Variants in PDE2A observed in about 807,000 individuals in gnomAD.
PDE2A encodes the protein phosphodiesterase 2A.
A neutral mutation model predicts 133.6 loss-of-function variants in PDE2A; 53 were observed. The ratio of observed to expected loss-of-function variants is 0.40; its 90% CI spans 0.32 to 0.50. The LOEUF is 0.50. Ranked by LOEUF, PDE2A falls within the 20% of genes least tolerant of loss-of-function variation. PDE2A has a pLI of 0.73. For missense variants in PDE2A, 796 were observed against 1,232.4 expected (o/e 0.65, Z 5.30); for synonymous variants, 491 against 490.2 (o/e 1.00, Z -0.02).
In PDE2A at chr11:72,578,274, C is replaced by T. The variant is rs1009358092; in HGVS notation, c.2574G>A (p.Leu858=). 7.4e-6 allele frequency: 12 copies of T among 1,613,428 alleles called. No individual in the cohort carries two copies. Among genetic ancestry groups the T allele is most frequent in the Non-Finnish European group, 1.0e-5 (12 of 1,179,572 alleles). The part of the protein sequence containing the change: ...MDREKAYIPE[L]QISFMEHIAM... ...CAATGTGCTCCATGAAGCTGATTTG[C>T]AGCTCAGGGATATAGGCCTTCTCCC... is the stretch of plus-strand genomic sequence containing the variant. Residue 858 remains leucine (L), a synonymous_variant, in exon 30 of 31, where the codon CTG becomes CTA. Coordinates refer to ENST00000334456, the MANE Select transcript of PDE2A (RefSeq NM_002599.5). The surrounding 1 kb of genome is among the most constrained non-coding windows in gnomAD (Gnocchi z 4.2).
intron 1 of PDE2A, among the ~76,000 whole-genome samples, chr11:72,645,686 A>G (rs772484667): frequency 5.9e-5 from 9 of 152,152 alleles, no homozygotes; most frequent in Non-Finnish European, 1.3e-4. Flanking sequence ...CCTGGAGTAG[A>G]TGCATCTCCT....
At chr11:72,629,214 G>A (rs565728278) in intron 2 of PDE2A, among the ~76,000 whole-genome samples, 73 of 152,302 alleles carry the variant, frequency 4.8e-4, no homozygotes, top group Admixed American at 1.4e-3. Context: ...TGGGAAGGAC[G>A]AGGCCGGTGG....
chr11:72,625,483 G>A (rs1344987028), intron 2 of PDE2A, among the ~76,000 whole-genome samples: 2 of 152,198 alleles, frequency 1.3e-5, no homozygotes, highest in African/African-American at 4.8e-5. Context: ...GAGGACAAGG[G>A]TTCGAGGGTT....
Position 72,597,185 on chromosome 11 carries a change from G to A in PDE2A, c.433+325C>T, listed in dbSNP as rs1591044172. 1.3e-5 allele frequency among the ~76,000 whole-genome samples: 2 copies of A among 152,158 alleles called. No homozygotes were observed. Reference sequence around the variant, plus strand: ...CAACTACAGCCCCATCCAGCATCAGGCACAGGCACATCACAACCACAGCCA... The same window carrying A: ...CAACTACAGCCCCATCCAGCATCAGACACAGGCACATCACAACCACAGCCA... On this transcript the variant is annotated intron_variant, in intron 5 of 30. Transcript: ENST00000334456. This position sits in a 1 kb window ranked among gnomAD's most constrained non-coding sequence, Gnocchi z 4.6.
intron 4 of PDE2A, among the ~76,000 whole-genome samples, chr11:72,600,055 G>A (rs1856670554): frequency 6.6e-6 from 1 of 152,244 alleles, no homozygotes; most frequent in Non-Finnish European, 1.5e-5. Flanking sequence ...CGAGAAGATT[G>A]TGTGCCTGCT....
chr11:72,579,196 G>T, intron 27 of PDE2A, 88 bp downstream of exon 27: 1 of 1,059,762 alleles, frequency 9.4e-7, no homozygotes. Flanking sequence ...TGCAGGGGAT[G>T]GGTCTGCACC....
At chr11:72,622,442 T>G (rs1857822088) in intron 2 of PDE2A, among the ~76,000 whole-genome samples, 1 of 152,224 alleles carries the variant, frequency 6.6e-6, no homozygotes, top group Non-Finnish European at 1.5e-5. Context: ...AGCTAAAATG[T>G]GAAAGCAACC....
chr11:72,594,546 C>T (rs116266781), intron 6 of PDE2A, among the ~76,000 whole-genome samples: 3,482 of 152,240 alleles, frequency 0.023, 149 homozygotes, highest in African/African-American at 0.08. Context: ...TTCAAGAGTT[C>T]TTCCCTGCCC....
intron 25 of PDE2A, among the ~76,000 whole-genome samples, 180 bp downstream of exon 25, chr11:72,580,397 C>T (rs573500380): frequency 2.6e-5 from 4 of 152,114 alleles, no homozygotes; most frequent in East Asian, 3.9e-4. Flanking sequence ...TGCTATCATC[C>T]GCACCTGCAC....
chr11:72,649,105 C>A (rs576275083), intron 1 of PDE2A: 1 of 152,356 alleles, frequency 6.6e-6, no homozygotes, highest in South Asian at 2.1e-4. Flanking sequence ...TAAGTCTGGA[C>A]AAAGCCTCCT....
intron 2 of PDE2A, among the ~76,000 whole-genome samples, chr11:72,609,489 G>C (rs1857109159): frequency 6.6e-6 from 1 of 152,152 alleles, no homozygotes; most frequent in South Asian, 2.1e-4. Context: ...GAACAGCTGG[G>C]CCACCCCTGG....
chr11:72,606,847 T>C (rs1429142597), intron 3 of PDE2A, among the ~76,000 whole-genome samples: 1 of 152,206 alleles, frequency 6.6e-6, no homozygotes, highest in Non-Finnish European at 1.5e-5. Flanking sequence ...CGCATGTCCG[T>C]ATGTCTCCCA....
At chr11:72,645,322 C>A (rs1281636032) in intron 1 of PDE2A, among the ~76,000 whole-genome samples, 1 of 152,232 alleles carries the variant, frequency 6.6e-6, no homozygotes, top group African/African-American at 2.4e-5. Context: ...GCACTGCTTT[C>A]TTCCAGTGCT....
chr11:72,602,756 C>G (rs896761761), intron 4 of PDE2A, among the ~76,000 whole-genome samples: 8 of 152,214 alleles, frequency 5.3e-5, no homozygotes, highest in African/African-American at 1.7e-4. Context: ...AGCCAATAGA[C>G]CGGGCCTCAG....
intron 1 of PDE2A, among the ~76,000 whole-genome samples, chr11:72,671,461 G>A (rs1447298690): frequency 6.6e-6 from 1 of 152,172 alleles, no homozygotes; most frequent in Non-Finnish European, 1.5e-5. Context: ...AGACCAAGGG[G>A]TAAAGGACTG....
chr11:72,579,137 G>T, intron 27 of PDE2A, 128 bp from the exon 28 acceptor site: 1 of 942,950 alleles, frequency 1.1e-6, no homozygotes. Context: ...CAAGGGGCCA[G>T]TGCTGGGTCT....
intron 1 of PDE2A, among the ~76,000 whole-genome samples, chr11:72,654,210 G>C (rs114015129): frequency 6.6e-6 from 1 of 152,310 alleles, no homozygotes; most frequent in African/African-American, 2.4e-5. Context: ...CGCCCACCCA[G>C]CGCTGGGACC....
At chr11:72,581,077 G>T in intron 23 of PDE2A, 104 bp from the exon 24 acceptor site, 1 of 862,440 alleles carries the variant, frequency 1.2e-6, no homozygotes. Context: ...GAGCCACTGG[G>T]ACAGGAGGTT....
At chr11:72,600,394 C>G (rs1856686187) in intron 4 of PDE2A, among the ~76,000 whole-genome samples, 1 of 152,132 alleles carries the variant, frequency 6.6e-6, no homozygotes, top group African/African-American at 2.4e-5. Context: ...TCCAAGGACC[C>G]TCAATTCTTA....
Sources: allele counts gnomAD v4.1 joint callset (sites outside exome capture counted in the v4.1 genomes callset), GRCh38; gene constraint gnomAD v4.1.1; non-coding constraint Gnocchi (gnomAD v3.1); transcripts MANE v1.5; gene names NCBI Gene and HGNC (gene_info 2026-07-23, HGNC 2026-07-21).